The following CEP128 variants were observed in gnomAD, a reference collection of about 807,000 sequenced individuals.
The protein encoded by CEP128 is centrosomal protein 128.
A neutral mutation model predicts 156.7 loss-of-function variants in CEP128; 132 were observed. That is an observed-to-expected ratio of 0.84 (90% confidence interval 0.73 to 0.97). The LOEUF is 0.97. Among genes scored for constraint, CEP128 ranks in the 50% least tolerant of loss-of-function variants. The probability of loss-of-function intolerance (pLI) is 0.00; values close to 1 mark genes in which losing one functional copy is unlikely to be tolerated. For synonymous variants in CEP128, 469 were observed against 448.9 expected, an observed-to-expected ratio of 1.04 and a Z score of -0.57; for missense variants, 1,252 against 1,281.9, an observed-to-expected ratio of 0.98 and a Z score of 0.36.
intron 4 of CEP128, among the ~76,000 whole-genome samples, chr14:80,907,397 C>T (rs1049509663): frequency 6.6e-6 from 1 of 152,052 alleles, no homozygotes; most frequent in African/African-American, 2.4e-5. Context: ...CGGTTGCTCG[C>T]GCCTGTAATC....
chr14:80,778,528 A>G (rs1435623127), intron 15 of CEP128, among the ~76,000 whole-genome samples: 1 of 152,234 alleles, frequency 6.6e-6, no homozygotes, highest in Non-Finnish European at 1.5e-5. Flanking sequence ...TCTGGTTTCT[A>G]TGAAATAATG....
rs142781314 is a variant in CEP128, at chr14:80,868,263, T to C, written c.646-5390A>G. ...CTCTAATACTTATAATGGTAGTGTTTAAGTTACTTTTAACTCTAGTTTAAA... is the reference window on the plus strand; with the variant it reads ...CTCTAATACTTATAATGGTAGTGTTCAAGTTACTTTTAACTCTAGTTTAAA... On this transcript the variant is annotated intron_variant, in intron 8 of 24. Transcript: ENST00000555265. 3.9e-5 allele frequency among the ~76,000 whole-genome samples: 6 copies of C among 152,308 alleles called. No homozygotes were observed. In the East Asian group the frequency reaches 1.2e-3, roughly 29 times the overall value.
At chr14:80,649,700 A>G (rs1271079123) in intron 19 of CEP128, among the ~76,000 whole-genome samples, 1 of 152,158 alleles carries the variant, frequency 6.6e-6, no homozygotes, top group Non-Finnish European at 1.5e-5. Flanking sequence ...GTTGGAAACC[A>G]CTGGAATTGA....
chr14:80,806,442 A>C (rs1339017730), intron 13 of CEP128, among the ~76,000 whole-genome samples: 1 of 152,202 alleles, frequency 6.6e-6, no homozygotes, highest in African/African-American at 2.4e-5. Flanking sequence ...CATGTAATTA[A>C]CATCTAGGCC....
intron 19 of CEP128, among the ~76,000 whole-genome samples, chr14:80,616,014 A>G (rs893810637): frequency 6.6e-6 from 1 of 152,214 alleles, no homozygotes; most frequent in African/African-American, 2.4e-5. Flanking sequence ...CAGAAAGACT[A>G]TCTAAGCAAT....
At chr14:80,800,730 T>G (rs1566635446) in intron 13 of CEP128, among the ~76,000 whole-genome samples, 1 of 151,470 alleles carries the variant, frequency 6.6e-6, no homozygotes, top group Non-Finnish European at 1.5e-5. Flanking sequence ...AAACCAGGCA[T>G]CGACTAGTTA....
intron 19 of CEP128, among the ~76,000 whole-genome samples, chr14:80,695,495 C>G (rs1896860299): frequency 6.6e-6 from 1 of 151,780 alleles, no homozygotes; most frequent in African/African-American, 2.4e-5. Context: ...GCAGGCGGAT[C>G]ACTTGAGGTC....
chr14:80,511,542 A>C (rs1888257321), intron 23 of CEP128, among the ~76,000 whole-genome samples: 2 of 151,984 alleles, frequency 1.3e-5, no homozygotes, highest in African/African-American at 4.8e-5. Context: ...TTTTCAAAAA[A>C]ACAACTTTTT....
intron 2 of CEP128, among the ~76,000 whole-genome samples, chr14:80,933,882 T>C (rs1322106318): frequency 6.6e-6 from 1 of 152,166 alleles, no homozygotes; most frequent in Non-Finnish European, 1.5e-5. Context: ...GAAGTCTGCA[T>C]ATGTGAAGAA....
intron 17 of CEP128, among the ~76,000 whole-genome samples, chr14:80,757,424 A>G (rs899270265): frequency 1.4e-4 from 22 of 152,204 alleles, no homozygotes; most frequent in African/African-American, 5.1e-4. Flanking sequence ...ATGATTGTCA[A>G]TAGACACAAA....
chr14:80,491,239 T>C (rs1190335261), intron 6 of CEP128, among the ~76,000 whole-genome samples: 1 of 152,172 alleles, frequency 6.6e-6, no homozygotes, highest in Non-Finnish European at 1.5e-5. Context: ...GGAAACTCTT[T>C]CCACGGTACA....
At chr14:80,933,186 G>A (rs1220636168) in intron 2 of CEP128, among the ~76,000 whole-genome samples, 1 of 152,074 alleles carries the variant, frequency 6.6e-6, no homozygotes, top group Non-Finnish European at 1.5e-5. Flanking sequence ...CCCATCATTC[G>A]TGGTGTGGTT....
At chr14:80,942,100 GA>G (rs541598831), upstream of CEP128, among the ~76,000 whole-genome samples, 115 of 152,232 alleles carry the variant, frequency 7.6e-4, no homozygotes, top group African/African-American at 2.5e-3. Flanking sequence ...TGGGGAAGTA[GA>G]AAAAGGGCAA....
At chr14:80,597,641 G>T (rs1348030104) in intron 19 of CEP128, among the ~76,000 whole-genome samples, 9 of 133,482 alleles carry the variant, frequency 6.7e-5, no homozygotes. Context: ...AGAAAAGAAA[G>T]AAAAGAAAAA....
chr14:80,830,472 T>A, intron 13 of CEP128: 1 of 335,728 alleles, frequency 3.0e-6, no homozygotes, highest in Non-Finnish European at 5.4e-6. Context: ...TCCAAATGTG[T>A]CATCCATGTT....
chr14:80,773,421 TA>T (rs978552367), intron 16 of CEP128, among the ~76,000 whole-genome samples: 17 of 152,182 alleles, frequency 1.1e-4, no homozygotes, highest in African/African-American at 3.9e-4. Context: ...ATGCAGTATA[TA>T]AAAAATAATT....
intron 6 of CEP128, 69 bp downstream of exon 6, chr14:80,904,744 A>G (rs8016507): frequency 0.47 from 414,713 of 878,580 alleles, 100,454 homozygotes; most frequent in South Asian, 0.56. Context: ...AAGTTCAAGC[A>G]TTAGTCATTT....
At chr14:80,525,847 C>G (rs1175355214) in intron 23 of CEP128, among the ~76,000 whole-genome samples, 3 of 152,194 alleles carry the variant, frequency 2.0e-5, no homozygotes, top group African/African-American at 7.2e-5. Flanking sequence ...TTTATATCCA[C>G]TGAGCATTCT....
chr14:80,675,848 T>G (rs1022067209), intron 19 of CEP128, among the ~76,000 whole-genome samples: 1 of 152,118 alleles, frequency 6.6e-6, no homozygotes, highest in East Asian at 1.9e-4. Context: ...CCCCTCAATG[T>G]TCAATGGAAA....
Sources: gnomAD v4.1 joint callset for allele counts (sites outside exome capture counted in the v4.1 genomes callset) on GRCh38, gnomAD v4.1.1 for gene constraint, MANE v1.5 for transcripts, NCBI Gene and HGNC (gene_info 2026-07-23, HGNC 2026-07-21) for gene names.